The following MEIKIN variants were observed in gnomAD, a reference collection of about 807,000 sequenced individuals.
MEIKIN encodes meiosis-specific kinetochore protein.
intron 9 of MEIKIN, among the ~76,000 whole-genome samples, chr5:131,865,369 G>A (rs188090030): frequency 2.0e-4 from 30 of 151,660 alleles, no homozygotes; most frequent in East Asian, 5.9e-4. Context: ...GCAGGCATGC[G>A]CCACCATGCC....
intron 8 of MEIKIN, among the ~76,000 whole-genome samples, chr5:131,883,289 G>A (rs1561743281): frequency 6.6e-6 from 1 of 152,054 alleles, no homozygotes; most frequent in Non-Finnish European, 1.5e-5. Flanking sequence ...GAGAAAACCT[G>A]GAAATCCTGC....
At chr5:131,809,836 A>T (rs1394756609) in intron 12 of MEIKIN, among the ~76,000 whole-genome samples, 1 of 151,908 alleles carries the variant, frequency 6.6e-6, no homozygotes, top group Non-Finnish European at 1.5e-5. Flanking sequence ...AAAAAAACAA[A>T]CAAAACCAAA....
chr5:131,854,346 G>A (rs1364078886), intron 10 of MEIKIN, among the ~76,000 whole-genome samples: 1 of 152,072 alleles, frequency 6.6e-6, no homozygotes, highest in Non-Finnish European at 1.5e-5. Flanking sequence ...GGGAGGAGCA[G>A]GAAGTTACTG....
At chr5:131,838,263 T>C (rs1258833822) in intron 11 of MEIKIN, among the ~76,000 whole-genome samples, 2 of 152,190 alleles carry the variant, frequency 1.3e-5, no homozygotes, top group African/African-American at 4.8e-5. Context: ...GCCCATATTT[T>C]GTTGAGGATT....
chr5:131,885,047 ACT>A (rs1750755724), intron 8 of MEIKIN, among the ~76,000 whole-genome samples: 1 of 152,134 alleles, frequency 6.6e-6, no homozygotes, highest in African/African-American at 2.4e-5. Flanking sequence ...AAGGGTTTTC[ACT>A]CTAATTCCTG....
At chr5:131,933,326 AG>A (rs1449240587) in intron 5 of MEIKIN, among the ~76,000 whole-genome samples, 186 bp downstream of exon 5, 2 of 152,208 alleles carry the variant, frequency 1.3e-5, no homozygotes, top group African/African-American at 4.8e-5. Flanking sequence ...CCTTGATCTG[AG>A]GGCTTTTGCT....
chr5:131,877,652 C>G (rs1475732907), intron 9 of MEIKIN, among the ~76,000 whole-genome samples: 1 of 151,666 alleles, frequency 6.6e-6, no homozygotes, highest in Non-Finnish European at 1.5e-5. Flanking sequence ...TCAAAAAAAA[C>G]AAAAGAAAAC....
intron 11 of MEIKIN, among the ~76,000 whole-genome samples, chr5:131,850,996 G>T (rs919445095): frequency 6.6e-6 from 1 of 152,076 alleles, no homozygotes; most frequent in East Asian, 1.9e-4. Flanking sequence ...TTAGACATTT[G>T]ATTTGGCTGT....
At chr5:131,905,731 A>G (rs1419877806) in intron 8 of MEIKIN, among the ~76,000 whole-genome samples, 1 of 152,050 alleles carries the variant, frequency 6.6e-6, no homozygotes, top group Non-Finnish European at 1.5e-5. Flanking sequence ...AGAGAACCCA[A>G]ACATAACCAC....
At chr5:131,944,961 G>A (rs910044991) in intron 2 of MEIKIN, among the ~76,000 whole-genome samples, 195 bp downstream of exon 2, 10 of 152,158 alleles carry the variant, frequency 6.6e-5, no homozygotes, top group African/African-American at 1.9e-4. Context: ...ACGTAAATTG[G>A]CAAGCCTTCC....
Position 131,849,820 on chromosome 5 carries a change from G to A in MEIKIN, c.975+1444C>T, listed in dbSNP as rs138007094. 3.4e-3 allele frequency among the ~76,000 whole-genome samples: 511 copies of A among 151,744 alleles called. 3 individuals are homozygous for A. The highest frequency in any genetic ancestry group is 5.1e-3 in the Non-Finnish European group (344 of 67,868). On this transcript the variant is annotated intron_variant, in intron 11 of 12. Coordinates refer to ENST00000442687, the MANE Select transcript of MEIKIN (RefSeq NM_001303622.2). ...CAACATACTACTGATAGTTCTAGCC[G>A]GAGCAATTAGGCGATTAGGAAAAGA...
chr5:131,925,350 T>G (rs1039424843), intron 5 of MEIKIN, among the ~76,000 whole-genome samples: 3 of 152,200 alleles, frequency 2.0e-5, no homozygotes, highest in African/African-American at 7.2e-5. Flanking sequence ...TTGCATCAAA[T>G]TTGTAGACTG....
intron 12 of MEIKIN, among the ~76,000 whole-genome samples, chr5:131,813,119 A>T (rs984181099): frequency 6.6e-6 from 1 of 152,200 alleles, no homozygotes; most frequent in African/African-American, 2.4e-5. Context: ...TGAGGAAGTG[A>T]CCCAAATGTC....
At chr5:131,876,211 C>A (rs1187039631) in intron 9 of MEIKIN, among the ~76,000 whole-genome samples, 1 of 152,036 alleles carries the variant, frequency 6.6e-6, no homozygotes, top group Non-Finnish European at 1.5e-5. Flanking sequence ...ACCAGGCAAC[C>A]TACAGAATGG....
At chr5:131,814,122 T>A (rs888399922) in intron 12 of MEIKIN, among the ~76,000 whole-genome samples, 1 of 151,832 alleles carries the variant, frequency 6.6e-6, no homozygotes, top group Non-Finnish European at 1.5e-5. Flanking sequence ...TGAGTCTGCC[T>A]CTCCCAGTCC....
chr5:131,903,781 A>G (rs1172741054), intron 8 of MEIKIN, among the ~76,000 whole-genome samples: 1 of 152,216 alleles, frequency 6.6e-6, no homozygotes, highest in African/African-American at 2.4e-5. Context: ...AAATCCACAC[A>G]TATCAATACT....
At chr5:131,845,054 A>C (rs981852618) in intron 11 of MEIKIN, among the ~76,000 whole-genome samples, 6 of 152,108 alleles carry the variant, frequency 3.9e-5, no homozygotes, top group Non-Finnish European at 7.4e-5. Context: ...GTGGATCATG[A>C]GGTCAGGAGA....
At chr5:131,873,987 T>A (rs1400581482) in intron 9 of MEIKIN, among the ~76,000 whole-genome samples, 1 of 152,146 alleles carries the variant, frequency 6.6e-6, no homozygotes, top group Non-Finnish European at 1.5e-5. Context: ...TGGGACATAT[T>A]CAAAGCAGTG....
At chr5:131,888,740 G>T (rs181877077) in intron 8 of MEIKIN, among the ~76,000 whole-genome samples, 1 of 152,048 alleles carries the variant, frequency 6.6e-6, no homozygotes. Flanking sequence ...CAATTTTGGC[G>T]TTTGTTGCCA....
Sources: allele counts gnomAD v4.1 joint callset (sites outside exome capture counted in the v4.1 genomes callset), GRCh38; gene constraint gnomAD v4.1.1; transcripts MANE v1.5; gene names NCBI Gene and HGNC (gene_info 2026-07-23, HGNC 2026-07-21).